Variants in TMEM132D observed in about 807,000 individuals in gnomAD.
TMEM132D encodes the protein mature OL transmembrane protein.
Under a neutral mutation model 62.3 loss-of-function variants are expected in TMEM132D, and 21 were observed. The observed-to-expected ratio is 0.34, with a 90% CI of 0.24 to 0.49. TMEM132D has a LOEUF of 0.49. Ranked by LOEUF, TMEM132D falls within the 20% of genes least tolerant of loss-of-function variation. TMEM132D has a pLI of 0.99. For missense variants in TMEM132D, 1,346 were observed against 1,402.8 expected (o/e 0.96, Z 0.65); for synonymous variants, 621 against 575.6 (o/e 1.08, Z -1.13).
chr12:129,183,947 C>A (rs1396239887), intron 5 of TMEM132D, among the ~76,000 whole-genome samples: 2 of 152,178 alleles, frequency 1.3e-5, no homozygotes, highest in Admixed American at 1.3e-4. Flanking sequence ...GTCTCCGAAA[C>A]AAAGGTGCCT....
chr12:129,124,148 A>G (rs1351582896), intron 5 of TMEM132D, among the ~76,000 whole-genome samples: 3 of 152,128 alleles, frequency 2.0e-5, no homozygotes, highest in Non-Finnish European at 4.4e-5. Context: ...GCAGATTTAC[A>G]GGGTTACAGG....
chr12:129,127,593 T>C (rs1381428992), intron 5 of TMEM132D, among the ~76,000 whole-genome samples: 1 of 152,136 alleles, frequency 6.6e-6, no homozygotes, highest in Non-Finnish European at 1.5e-5. Flanking sequence ...CAGGGGCCTT[T>C]AAAAAACACG....
At chr12:129,136,789 C>CCATCACCAT (rs1042196189) in intron 5 of TMEM132D, among the ~76,000 whole-genome samples, 9 of 129,938 alleles carry the variant, frequency 6.9e-5, no homozygotes, top group African/African-American at 2.5e-4. Flanking sequence ...ACCATCATCA[C>CCATCACCAT]CATCACCATC....
intron 2 of TMEM132D, among the ~76,000 whole-genome samples, chr12:129,658,768 T>C (rs1880162239): frequency 6.6e-6 from 1 of 152,174 alleles, no homozygotes; most frequent in Admixed American, 6.5e-5. Context: ...CAGAATGTAA[T>C]CATGACTGCT....
At chr12:129,407,932 A>C (rs1431634721) in intron 3 of TMEM132D, among the ~76,000 whole-genome samples, 7 of 151,768 alleles carry the variant, frequency 4.6e-5, no homozygotes, top group Non-Finnish European at 8.8e-5. Context: ...ATGACCACAG[A>C]TGGACAGTGG....
intron 1 of TMEM132D, among the ~76,000 whole-genome samples, chr12:129,789,668 G>T (rs903153168): frequency 6.6e-6 from 1 of 152,234 alleles, no homozygotes. Flanking sequence ...TCTCTGACAT[G>T]TGTCAAGCAA....
rs1488497383 is a variant in TMEM132D at position 129,073,350 on chromosome 12, C to G, written c.*525G>C. 4 of 152,876 alleles carry G rather than the reference C, an allele frequency of 2.6e-5. No individual in the cohort carries two copies. The East Asian group carries it at 7.7e-4, about 29-fold the overall frequency. The allele number at this position is 152,876 out of a possible 1,614,324, so 9.5% of individuals were successfully genotyped here. Reference sequence around the variant, plus strand: ...CCAGCCTTTGAGAGACAATGACTCACAATCATGCCTCCCACAGCTGACGGC... The same window carrying G: ...CCAGCCTTTGAGAGACAATGACTCAGAATCATGCCTCCCACAGCTGACGGC... On this transcript the variant is annotated 3_prime_UTR_variant, in exon 9 of 9. Coordinates refer to ENST00000422113, the MANE Select transcript of TMEM132D (RefSeq NM_133448.3).
chr12:129,338,354 G>T (rs974934667), intron 3 of TMEM132D, among the ~76,000 whole-genome samples: 1 of 152,178 alleles, frequency 6.6e-6, no homozygotes, highest in Non-Finnish European at 1.5e-5. Context: ...GGGTCGCTGT[G>T]ATGAGCATGG....
chr12:129,318,674 C>T (rs1453320457), intron 4 of TMEM132D, among the ~76,000 whole-genome samples: 1 of 152,140 alleles, frequency 6.6e-6, no homozygotes, highest in Non-Finnish European at 1.5e-5. Context: ...GACCCTAGAT[C>T]TCCCAAGGTT....
At chr12:129,842,097 A>ATTTTTTTTTTTTT (rs746315309) in intron 1 of TMEM132D, among the ~76,000 whole-genome samples, 58 of 97,434 alleles carry the variant, frequency 6.0e-4, no homozygotes, top group African/African-American at 1.5e-3. Context: ...CGCCCGGCTA[A>ATTTTTTTTTTTTT]TTTTTTTTTT....
chr12:129,823,606 G>T (rs935006368), intron 1 of TMEM132D, among the ~76,000 whole-genome samples: 4 of 152,184 alleles, frequency 2.6e-5, no homozygotes, highest in Admixed American at 2.6e-4. Flanking sequence ...TCTGTGCAAG[G>T]GCCCAGGGAA....
chr12:129,133,056 T>G (rs1876424912), intron 5 of TMEM132D, among the ~76,000 whole-genome samples: 2 of 152,104 alleles, frequency 1.3e-5, no homozygotes, highest in African/African-American at 4.8e-5. Flanking sequence ...CTCCCAGAGT[T>G]CTCTTCTGGG....
intron 3 of TMEM132D, among the ~76,000 whole-genome samples, chr12:129,413,205 G>A (rs1872020608): frequency 6.6e-6 from 1 of 152,090 alleles, no homozygotes; most frequent in Non-Finnish European, 1.5e-5. Flanking sequence ...GTTGTGGGAG[G>A]GGCCTGGTGG....
chr12:129,422,095 T>TAA (rs10633587), intron 3 of TMEM132D, among the ~76,000 whole-genome samples: 37,779 of 139,362 alleles, frequency 0.27, 5,580 homozygotes, highest in East Asian at 0.44. Context: ...ACAGCAATGT[T>TAA]AAAAAAAAAA....
intron 2 of TMEM132D, among the ~76,000 whole-genome samples, chr12:129,574,457 T>C (rs540245816): frequency 1.3e-5 from 2 of 152,076 alleles, no homozygotes; most frequent in South Asian, 2.1e-4. Flanking sequence ...AGGCATCCTA[T>C]GCACTAGAAT....
At chr12:129,384,587 T>C (rs113954165) in intron 3 of TMEM132D, among the ~76,000 whole-genome samples, 2,386 of 152,196 alleles carry the variant, frequency 0.016, 69 homozygotes, top group African/African-American at 0.054. Context: ...CGCATTATTT[T>C]AGAAGGGAAA....
chr12:129,647,476 T>C (rs912698903), intron 2 of TMEM132D, among the ~76,000 whole-genome samples: 1 of 152,186 alleles, frequency 6.6e-6, no homozygotes, highest in Admixed American at 6.5e-5. Context: ...CTAGCAGAAC[T>C]GCTGGATCAT....
chr12:129,622,384 C>T (rs1355895259), intron 2 of TMEM132D, among the ~76,000 whole-genome samples: 1 of 152,092 alleles, frequency 6.6e-6, no homozygotes, highest in African/African-American at 2.4e-5. Context: ...GCAAGGGTCA[C>T]TAGGGAATCC....
intron 5 of TMEM132D, among the ~76,000 whole-genome samples, chr12:129,147,307 T>TGTGCATATGTATATATATAC (rs71072448): frequency 7.9e-4 from 73 of 91,986 alleles, no homozygotes; most frequent in South Asian, 1.2e-3. Flanking sequence ...TATATATACA[T>TGTGCATATGTATATATATAC]ATGTGTATAT....
Sources: allele counts gnomAD v4.1 joint callset (sites outside exome capture counted in the v4.1 genomes callset), GRCh38; gene constraint gnomAD v4.1.1; transcripts MANE v1.5; gene names NCBI Gene and HGNC (gene_info 2026-07-23, HGNC 2026-07-21).